Variants in SP4 observed in about 807,000 individuals in gnomAD.
The protein encoded by SP4 is transcription factor Sp4.
Under a neutral mutation model 72.8 loss-of-function variants are expected in SP4, and 19 were observed. The observed-to-expected ratio is 0.26, with a 90% CI of 0.18 to 0.38. The LOEUF (loss-of-function observed/expected upper bound fraction) is 0.38. Ranked by LOEUF, SP4 falls within the 10% of genes least tolerant of loss-of-function variation. The pLI is 1.00. For synonymous variants in SP4, 395 were observed against 333.1 expected, an observed-to-expected ratio of 1.19 and a Z score of -2.02; for missense variants, 1,008 against 926.3, an observed-to-expected ratio of 1.09 and a Z score of -1.14.
chr7:21,456,901 A>T (rs1783783035), intron 3 of SP4, among the ~76,000 whole-genome samples: 1 of 152,166 alleles, frequency 6.6e-6, no homozygotes, highest in African/African-American at 2.4e-5. Context: ...GAACTGAGAG[A>T]TCAGCCCAGT....
chr7:21,502,670 G>GT (rs1401986762), intron 5 of SP4, among the ~76,000 whole-genome samples: 1 of 152,074 alleles, frequency 6.6e-6, no homozygotes, highest in Non-Finnish European at 1.5e-5. Context: ...CATACCCTCA[G>GT]TTTTTAAGGT....
chr7:21,502,051 C>CCCCCG (rs1554301442), intron 5 of SP4, among the ~76,000 whole-genome samples: 2 of 81,862 alleles, frequency 2.4e-5, no homozygotes, highest in African/African-American at 9.3e-5. Flanking sequence ...CCCCCCCCCC[C>CCCCCG]CCGGAACTCC....
intron 3 of SP4, 54 bp downstream of exon 3, chr7:21,430,897 T>C (rs930243330): frequency 9.0e-5 from 118 of 1,307,780 alleles, no homozygotes; most frequent in Admixed American, 3.6e-4. Context: ...ATAACAATTA[T>C]TGCTTTTCTC....
chr7:21,470,213 TAAGA>T (rs1159346732), intron 3 of SP4, among the ~76,000 whole-genome samples: 2 of 152,348 alleles, frequency 1.3e-5, no homozygotes, highest in East Asian at 3.9e-4. Flanking sequence ...TCGCTTTATT[TAAGA>T]AACATTCATT....
At chr7:21,464,073 A>C (rs562228645) in intron 3 of SP4, among the ~76,000 whole-genome samples, 3 of 151,638 alleles carry the variant, frequency 2.0e-5, no homozygotes, top group Non-Finnish European at 4.4e-5. Context: ...TTATTATGAT[A>C]ATTATTATTT....
chr7:21,449,677 C>T (rs28657649), intron 3 of SP4, among the ~76,000 whole-genome samples: 1 of 152,132 alleles, frequency 6.6e-6, no homozygotes, highest in Non-Finnish European at 1.5e-5. Flanking sequence ...CTTTACAGAT[C>T]ATCTTTGGTT....
rs1019412078 is a variant in SP4 at position 21,503,885 on chromosome 7, G to A, written c.2108-7137G>A. The stretch of plus-strand genomic sequence containing the variant: ...ATCCCTATACACCCATAATTCCTAA[G>A]TATTGTATCACACAAAGCCTGGGGT... On this transcript the variant is annotated intron_variant, in intron 5 of 5. Transcript: ENST00000222584. Among the ~76,000 whole-genome samples the A allele has an allele frequency of 5.3e-4, 80 of 152,154 alleles. 1 individual carries two copies. Among genetic ancestry groups the A allele is most frequent in the African/African-American group, 1.8e-3 (76 of 41,434 alleles).
intron 3 of SP4, among the ~76,000 whole-genome samples, chr7:21,457,781 G>A (rs1783814084): frequency 6.6e-6 from 1 of 151,980 alleles, no homozygotes; most frequent in African/African-American, 2.4e-5. Context: ...GGGTGTGTGT[G>A]TGTGTATGCA....
intron 3 of SP4, among the ~76,000 whole-genome samples, chr7:21,466,232 C>G (rs569480022): frequency 6.6e-6 from 1 of 152,312 alleles, no homozygotes; most frequent in African/African-American, 2.4e-5. Context: ...AAGCACATAG[C>G]AGGTACTCAG....
chr7:21,489,940 A>T (rs1480670635), intron 5 of SP4, among the ~76,000 whole-genome samples: 1 of 152,064 alleles, frequency 6.6e-6, no homozygotes, highest in African/African-American at 2.4e-5. Flanking sequence ...TGTGAGCCAC[A>T]GTGCCCAGCC....
chr7:21,492,346 C>T (rs1487102866), intron 5 of SP4, among the ~76,000 whole-genome samples: 2 of 152,114 alleles, frequency 1.3e-5, no homozygotes, highest in Non-Finnish European at 2.9e-5. Flanking sequence ...AATGAGAATA[C>T]TAAACAACAT....
At chr7:21,461,669 G>A (rs531881801) in intron 3 of SP4, among the ~76,000 whole-genome samples, 5 of 152,246 alleles carry the variant, frequency 3.3e-5, no homozygotes, top group East Asian at 3.9e-4. Context: ...CTGCAGCCTC[G>A]GCCAGCCCGG....
chr7:21,452,626 A>ATTG (rs1441573958), intron 3 of SP4, among the ~76,000 whole-genome samples: 1 of 152,178 alleles, frequency 6.6e-6, no homozygotes, highest in African/African-American at 2.4e-5. Context: ...AGTTTCTCCA[A>ATTG]TTGTGTCCTG....
At chr7:21,428,875 C>T (rs1782726079) in intron 2 of SP4, 83 bp downstream of exon 2, 5 of 1,071,064 alleles carry the variant, frequency 4.7e-6, no homozygotes, top group Non-Finnish European at 6.7e-6. Flanking sequence ...CCAGAAGTAA[C>T]AGAATAAAAT....
At chr7:21,453,700 T>TA (rs1259539572) in intron 3 of SP4, among the ~76,000 whole-genome samples, 1 of 152,232 alleles carries the variant, frequency 6.6e-6, no homozygotes, top group Non-Finnish European at 1.5e-5. Flanking sequence ...AAGATTGTCA[T>TA]AGACCTTTTA....
At chr7:21,479,255 T>A (rs1784606617) in intron 4 of SP4, among the ~76,000 whole-genome samples, 1 of 145,068 alleles carries the variant, frequency 6.9e-6, no homozygotes, top group East Asian at 2.5e-4. Flanking sequence ...GTCATTAAGA[T>A]TCCTAGTTGT....
At chr7:21,464,145 G>A (rs1019070741) in intron 3 of SP4, among the ~76,000 whole-genome samples, 2 of 124,006 alleles carry the variant, frequency 1.6e-5, no homozygotes, top group Non-Finnish European at 1.6e-5. Context: ...TTTTTTTTGA[G>A]ATGGAGTCTA....
At chr7:21,475,847 A>G (rs1784483440) in intron 3 of SP4, among the ~76,000 whole-genome samples, 1 of 152,200 alleles carries the variant, frequency 6.6e-6, no homozygotes, top group Admixed American at 6.5e-5. Context: ...TTTACTTAAT[A>G]CTTACATCAA....
At chr7:21,445,112 T>C (rs1009145762) in intron 3 of SP4, among the ~76,000 whole-genome samples, 28 of 152,108 alleles carry the variant, frequency 1.8e-4, no homozygotes, top group Non-Finnish European at 7.4e-5. Flanking sequence ...TTTGAATAAA[T>C]GAAAAAACAC....
Sources: allele counts gnomAD v4.1 joint callset (sites outside exome capture counted in the v4.1 genomes callset), GRCh38; gene constraint gnomAD v4.1.1; transcripts MANE v1.5; gene names NCBI Gene and HGNC (gene_info 2026-07-23, HGNC 2026-07-21).